ZFHX3: variants seen among roughly 807,000 people sequenced by gnomAD.
ZFHX3 encodes the protein zinc finger homeobox 3.
A neutral mutation model predicts 279.1 loss-of-function variants in ZFHX3; 42 were observed. That is an observed-to-expected ratio of 0.15 (90% CI 0.12 to 0.19). The LOEUF (loss-of-function observed/expected upper bound fraction) is 0.19, where lower values mean the gene tolerates loss of function less well. ZFHX3 is among the 10% of genes least tolerant of loss of function. The pLI, the probability that ZFHX3 is intolerant of heterozygous loss-of-function variation, is 1.00. For synonymous variants in ZFHX3, 2,293 were observed against 1,957.8 expected, an observed-to-expected ratio of 1.17 and a Z score of -4.52; for missense variants, 4,981 against 4,754.0, an observed-to-expected ratio of 1.05 and a Z score of -1.40.
At chr16:73,095,538 A>C (rs988624642) in intron 7 of ZFHX3, among the ~76,000 whole-genome samples, 2 of 152,274 alleles carry the variant, frequency 1.3e-5, no homozygotes, top group Non-Finnish European at 2.9e-5. Flanking sequence ...TCTTTCAGTA[A>C]AATGAGTATT....
At chr16:73,644,627 C>G (rs1369022361) in intron 2 of ZFHX3, among the ~76,000 whole-genome samples, 1 of 152,090 alleles carries the variant, frequency 6.6e-6, no homozygotes, top group African/African-American at 2.4e-5. Context: ...TGCCACTGCA[C>G]TCCACCCTGG....
chr16:73,821,719 T>G (rs1391827125), intron 1 of ZFHX3, among the ~76,000 whole-genome samples: 1 of 152,160 alleles, frequency 6.6e-6, no homozygotes, highest in Non-Finnish European at 1.5e-5. Context: ...GCCTGGAAAT[T>G]TGCAGCCATG....
intron 1 of ZFHX3, chr16:72,973,706 C>T (rs906957048): frequency 6.6e-6 from 1 of 152,146 alleles, no homozygotes; most frequent in African/African-American, 2.4e-5. Context: ...TGGAGAAACC[C>T]ACTAAAAATA....
intron 1 of ZFHX3, among the ~76,000 whole-genome samples, chr16:73,721,896 C>CTG (rs1187310706): frequency 6.6e-6 from 1 of 152,002 alleles, no homozygotes; most frequent in Non-Finnish European, 1.5e-5. Flanking sequence ...ATTACAAAAA[C>CTG]TAGCCAGATG....
chr16:73,389,429 A>T (rs2016966485), intron 3 of ZFHX3, among the ~76,000 whole-genome samples: 1 of 152,224 alleles, frequency 6.6e-6, no homozygotes, highest in African/African-American at 2.4e-5. Flanking sequence ...TTCCTTAAAA[A>T]TTGTCAAAAG....
intron 1 of ZFHX3, among the ~76,000 whole-genome samples, chr16:73,865,095 T>A (rs1371534640): frequency 6.6e-6 from 1 of 152,212 alleles, no homozygotes; most frequent in Non-Finnish European, 1.5e-5. Flanking sequence ...AAGACAGACC[T>A]GGGCATCACA....
At chr16:73,488,296 T>C (rs1003169646) in intron 2 of ZFHX3, among the ~76,000 whole-genome samples, 4 of 152,076 alleles carry the variant, frequency 2.6e-5, no homozygotes, top group Non-Finnish European at 5.9e-5. Context: ...AGCAGCCATA[T>C]GGGTGGCAAA....
chr16:73,486,975 G>A (rs1000430157), intron 2 of ZFHX3: 23 of 387,924 alleles, frequency 5.9e-5, no homozygotes, highest in Non-Finnish European at 1.0e-4. Context: ...AGGTATATAT[G>A]TGTTATGGCA....
At chr16:73,185,009 T>A (rs1281912524) in intron 5 of ZFHX3, among the ~76,000 whole-genome samples, 2 of 150,848 alleles carry the variant, frequency 1.3e-5, no homozygotes, top group Admixed American at 6.6e-5. Context: ...TGAGACAGCG[T>A]CTCAGTCACC....
chr16:73,256,810 T>C (rs923051431), intron 5 of ZFHX3, among the ~76,000 whole-genome samples: 2 of 152,198 alleles, frequency 1.3e-5, no homozygotes, highest in Middle Eastern at 3.2e-3. Flanking sequence ...GTGCCCTTTG[T>C]ACCATTTCAT....
At chr16:73,107,619 C>T (rs1966320308) in intron 7 of ZFHX3, among the ~76,000 whole-genome samples, 2 of 152,218 alleles carry the variant, frequency 1.3e-5, no homozygotes, top group African/African-American at 2.4e-5. Flanking sequence ...AGCGTAGCTC[C>T]TATGGCATTT....
intron 1 of ZFHX3, among the ~76,000 whole-genome samples, chr16:73,712,973 G>C (rs1207737965): frequency 2.6e-5 from 4 of 152,268 alleles, no homozygotes; most frequent in Admixed American, 1.3e-4. Context: ...TCAGAGCCCT[G>C]GACTTTCCCA....
chr16:73,494,512 T>A (rs2019105135), intron 2 of ZFHX3, among the ~76,000 whole-genome samples: 1 of 152,150 alleles, frequency 6.6e-6, no homozygotes, highest in African/African-American at 2.4e-5. Flanking sequence ...AGTATTATAA[T>A]CTTGTTCTGT....
chr16:73,142,097 A>G (rs192590751), intron 6 of ZFHX3, among the ~76,000 whole-genome samples: 2 of 152,208 alleles, frequency 1.3e-5, no homozygotes, highest in East Asian at 1.9e-4. Context: ...TAGCTCAAAC[A>G]TGGTCCCTCC....
chr16:73,715,698 A>G (rs999341671), intron 1 of ZFHX3, among the ~76,000 whole-genome samples: 1 of 150,352 alleles, frequency 6.7e-6, no homozygotes, highest in Non-Finnish European at 1.5e-5. Context: ...CAGCCCCCCA[A>G]GTAGCTGCGA....
chr16:72,787,085 A>T lies in ZFHX3; in HGVS notation c.*79T>A. On this transcript the variant is annotated 3_prime_UTR_variant, in exon 10 of 10. Coordinates refer to ENST00000268489, the MANE Select transcript of ZFHX3 (RefSeq NM_006885.4). ...TTTTGGTTAGAAGCTTTGGAATTGC[A>T]GTTAGTCTATTTTTGAAATTGGTTT... is the stretch of plus-strand genomic sequence containing the variant. 1.7e-6 allele frequency: 2 copies of T among 1,163,164 alleles called. No individual in the cohort carries two copies. The highest frequency in any genetic ancestry group is 2.2e-6 in the Non-Finnish European group (2 of 912,978). The allele number at this position is 1,163,164 out of a possible 1,614,324, so 72.1% of individuals were successfully genotyped here. A position where few individuals can be genotyped will look rare whatever the true frequency, so the allele number is the denominator to read the frequency against.
At chr16:73,412,704 C>T (rs1426040834) in intron 3 of ZFHX3, among the ~76,000 whole-genome samples, 1 of 152,120 alleles carries the variant, frequency 6.6e-6, no homozygotes, top group Non-Finnish European at 1.5e-5. Context: ...TGTGGGCTGG[C>T]GGGAGATACA....
intron 5 of ZFHX3, among the ~76,000 whole-genome samples, chr16:72,819,445 C>T (rs2036715258): frequency 6.6e-6 from 1 of 152,192 alleles, no homozygotes; most frequent in Non-Finnish European, 1.5e-5. Flanking sequence ...GACTCCCGGG[C>T]AGGGCTCATT....
At chr16:73,036,718 G>C (rs954382247) in intron 1 of ZFHX3, among the ~76,000 whole-genome samples, 5 of 152,208 alleles carry the variant, frequency 3.3e-5, no homozygotes, top group Non-Finnish European at 5.9e-5. Flanking sequence ...CGGTCGCTAG[G>C]AGAAACCAAC....
Sources: allele counts gnomAD v4.1 joint callset (sites outside exome capture counted in the v4.1 genomes callset), GRCh38; gene constraint gnomAD v4.1.1; transcripts MANE v1.5; gene names NCBI Gene and HGNC (gene_info 2026-07-23, HGNC 2026-07-21).